NCK2: variants seen among roughly 807,000 people sequenced by gnomAD.
NCK2 encodes cytoplasmic protein NCK2.
In NCK2, 16 loss-of-function variants were observed where a neutral mutation model predicts 33.9. The ratio of observed to expected loss-of-function variants is 0.47; its 90% CI spans 0.32 to 0.72. The LOEUF is 0.72. NCK2 is among the 30% of genes least tolerant of loss of function. The probability of loss-of-function intolerance (pLI) is 0.03; values close to 1 mark genes in which losing one functional copy is unlikely to be tolerated. For missense variants in NCK2, 418 were observed against 537.3 expected (o/e 0.78, Z 2.19); for synonymous variants, 273 against 239.9 (o/e 1.14, Z -1.27).
intron 2 of NCK2, among the ~76,000 whole-genome samples, chr2:105,849,821 C>T (rs1676993139): frequency 6.6e-6 from 1 of 152,042 alleles, no homozygotes; most frequent in Non-Finnish European, 1.5e-5. Flanking sequence ...AGAACATGGC[C>T]CCTCCTGACA....
intron 1 of NCK2, among the ~76,000 whole-genome samples, chr2:105,770,968 G>C (rs1329954969): frequency 6.6e-6 from 1 of 152,112 alleles, no homozygotes; most frequent in Non-Finnish European, 1.5e-5. Context: ...TGTCGCCCAG[G>C]CTGGAGTGCA....
intron 1 of NCK2, among the ~76,000 whole-genome samples, chr2:105,749,567 C>T (rs891277117): frequency 4.6e-5 from 7 of 152,178 alleles, no homozygotes; most frequent in Admixed American, 2.0e-4. Flanking sequence ...GCAGGCCATA[C>T]ATGAGGAACA....
chr2:105,871,088 T>A (rs533795331), intron 3 of NCK2, among the ~76,000 whole-genome samples: 2 of 151,784 alleles, frequency 1.3e-5, no homozygotes, highest in South Asian at 4.2e-4. Context: ...GCCTGGAGGG[T>A]CGATGAGTGC....
At chr2:105,761,829 G>A (rs1284900727) in intron 1 of NCK2, among the ~76,000 whole-genome samples, 1 of 152,180 alleles carries the variant, frequency 6.6e-6, no homozygotes, top group Non-Finnish European at 1.5e-5. Flanking sequence ...GCAGTGAGCC[G>A]TGATCAGGCC....
chr2:105,792,029 T>G (rs1292362406), intron 1 of NCK2, among the ~76,000 whole-genome samples: 5 of 152,186 alleles, frequency 3.3e-5, no homozygotes. Flanking sequence ...TTGATTGTGT[T>G]GTGGGCTCTG....
chr2:105,864,449 G>C (rs570674539), intron 3 of NCK2, among the ~76,000 whole-genome samples: 1 of 152,126 alleles, frequency 6.6e-6, no homozygotes, highest in Admixed American at 6.5e-5. Flanking sequence ...AGGACCAACA[G>C]TGACCCAGAG....
chr2:105,789,438 C>T (rs1690797274), intron 1 of NCK2, among the ~76,000 whole-genome samples: 1 of 152,184 alleles, frequency 6.6e-6, no homozygotes, highest in Non-Finnish European at 1.5e-5. Context: ...ATCCACCCGC[C>T]TCGGCCTCCC....
intron 2 of NCK2, chr2:105,854,801 A>T (rs1677195258): frequency 2.7e-6 from 1 of 368,258 alleles, no homozygotes; most frequent in Non-Finnish European, 5.0e-6. Flanking sequence ...TTTTTGTTAG[A>T]GGGTCAGATT....
intron 1 of NCK2, among the ~76,000 whole-genome samples, chr2:105,801,830 G>A (rs565044840): frequency 1.3e-5 from 2 of 152,088 alleles, no homozygotes; most frequent in African/African-American, 4.8e-5. Context: ...TTTACAGGGC[G>A]CTTTTTAGAG....
In NCK2 at chr2:105,893,395, C is replaced by A; in HGVS notation, c.*219C>A. 6 of 521,986 alleles carry A rather than the reference C, an allele frequency of 1.1e-5. No homozygotes were observed. 32.3% of individuals were successfully genotyped at this position (521,986 alleles called of 1,614,324 possible). On this transcript the variant is annotated 3_prime_UTR_variant, in exon 5 of 5. Transcript: ENST00000233154. Reference sequence around the variant, plus strand: ...GGCCAGCTTTAGAGGAGGGGAGGAGCAGGGCGAGTTCACATTATTCCTTTT... The same window carrying A: ...GGCCAGCTTTAGAGGAGGGGAGGAGAAGGGCGAGTTCACATTATTCCTTTT...
At chr2:105,750,107 A>G (rs575635750) in intron 1 of NCK2, among the ~76,000 whole-genome samples, 67 of 150,892 alleles carry the variant, frequency 4.4e-4, no homozygotes, top group Admixed American at 1.7e-3. Flanking sequence ...AGCTGCAGAC[A>G]TTTATTTTCT....
At chr2:105,782,861 C>T (rs1690546578) in intron 1 of NCK2, among the ~76,000 whole-genome samples, 1 of 152,212 alleles carries the variant, frequency 6.6e-6, no homozygotes, top group South Asian at 2.1e-4. Flanking sequence ...CACTTACTGT[C>T]CCCAACGCTC....
intron 3 of NCK2, among the ~76,000 whole-genome samples, chr2:105,869,939 A>G (rs955625750): frequency 1.3e-5 from 2 of 151,866 alleles, no homozygotes; most frequent in Admixed American, 1.3e-4. Flanking sequence ...TAAATATTCT[A>G]TCATTTTGTT....
chr2:105,837,967 T>C (rs1676494847), intron 2 of NCK2, among the ~76,000 whole-genome samples: 1 of 152,234 alleles, frequency 6.6e-6, no homozygotes, highest in South Asian at 2.1e-4. Context: ...TCAACACCAG[T>C]CCTGTACGAT....
At chr2:105,799,983 G>A (rs951373251) in intron 1 of NCK2, among the ~76,000 whole-genome samples, 1 of 152,202 alleles carries the variant, frequency 6.6e-6, no homozygotes, top group Non-Finnish European at 1.5e-5. Flanking sequence ...CCTTTGGTCA[G>A]CGTAGCTTCT....
At chr2:105,891,042 G>A (rs1012364258) in intron 4 of NCK2, among the ~76,000 whole-genome samples, 4 of 152,172 alleles carry the variant, frequency 2.6e-5, no homozygotes, top group African/African-American at 7.2e-5. Context: ...AGGCATGTCC[G>A]AGGTACCAGC....
intron 1 of NCK2, among the ~76,000 whole-genome samples, chr2:105,789,261 T>TA (rs1210650571): frequency 1.2e-4 from 18 of 152,146 alleles, no homozygotes; most frequent in African/African-American, 4.3e-4. Context: ...GATCTTGGCT[T>TA]ACTGCAAACT....
intron 1 of NCK2, among the ~76,000 whole-genome samples, chr2:105,804,981 T>A (rs1674975633): frequency 6.6e-6 from 1 of 152,114 alleles, no homozygotes; most frequent in African/African-American, 2.4e-5. Flanking sequence ...AAGTGGAAGT[T>A]TATTGAACCA....
At chr2:105,852,915 C>CAG (rs1677122720) in intron 2 of NCK2, among the ~76,000 whole-genome samples, 1 of 152,126 alleles carries the variant, frequency 6.6e-6, no homozygotes, top group South Asian at 2.1e-4. Context: ...ATATATTATG[C>CAG]AGAGGCTTTC....
Sources: gnomAD v4.1 joint callset for allele counts (sites outside exome capture counted in the v4.1 genomes callset) on GRCh38, gnomAD v4.1.1 for gene constraint, MANE v1.5 for transcripts, NCBI Gene and HGNC (gene_info 2026-07-23, HGNC 2026-07-21) for gene names.